Variants in SPSB1 observed in about 807,000 individuals in gnomAD.
The protein encoded by SPSB1 is SPRY domain-containing SOCS box protein 1.
In SPSB1, 8 loss-of-function variants were observed where a neutral mutation model predicts 21.2. The observed-to-expected ratio is 0.38, with a 90% CI of 0.22 to 0.68. The LOEUF (loss-of-function observed/expected upper bound fraction) is 0.68, where lower values mean the gene tolerates loss of function less well. Among genes scored for constraint, SPSB1 ranks in the 30% least tolerant of loss-of-function variants. SPSB1 has a pLI of 0.53. For missense variants in SPSB1, 242 were observed against 377.8 expected (o/e 0.64, Z 2.98); for synonymous variants, 169 against 161.7 (o/e 1.05, Z -0.34).
chr1:9,336,642 G>A (rs528949250), intron 1 of SPSB1, among the ~76,000 whole-genome samples: 52 of 152,318 alleles, frequency 3.4e-4, no homozygotes, highest in African/African-American at 1.2e-3. Context: ...GCAGGAGGCC[G>A]CTGCCTGAGT....
intron 1 of SPSB1, among the ~76,000 whole-genome samples, chr1:9,342,537 A>G (rs1640107312): frequency 6.6e-6 from 1 of 152,196 alleles, no homozygotes; most frequent in Non-Finnish European, 1.5e-5. Context: ...TCAGTGAGAA[A>G]GTAGGCGCCT....
rs1640620861 is a variant in SPSB1, at chr1:9,368,980, C to G, written c.*1405C>G. ...TGAAGTTAACTCTCTTAGAGTCTAA[C>G]TTTGGTTCATTTCTGCACAGGTACA... On this transcript the variant is annotated 3_prime_UTR_variant, in exon 3 of 3. Transcript: ENST00000328089. 6.6e-6 allele frequency: 1 copy of G among 152,550 alleles called. No homozygotes were observed. Among genetic ancestry groups the G allele is most frequent in the Non-Finnish European group, 1.5e-5 (1 of 68,040 alleles). The allele number at this position is 152,550 out of a possible 1,614,324, so 9.4% of individuals were successfully genotyped here.
chr1:9,366,035 T>G (rs1640565265), intron 2 of SPSB1, among the ~76,000 whole-genome samples: 1 of 152,204 alleles, frequency 6.6e-6, no homozygotes, highest in Admixed American at 6.5e-5. Flanking sequence ...ACTCCTGAGA[T>G]CTGAAGCTGA....
chr1:9,316,555 GA>G (rs953337033), intron 1 of SPSB1, among the ~76,000 whole-genome samples: 28 of 152,186 alleles, frequency 1.8e-4, no homozygotes, highest in African/African-American at 5.5e-4. Context: ...GGATGGCGAG[GA>G]GGGGGGGGCT....
Position 9,300,490 on chromosome 1 carries a change from G to T in SPSB1, c.-150+7419G>T, listed in dbSNP as rs141911800. Reference sequence around the variant, plus strand: ...TTTGGCAGGCCCCTGTAGATGAATCGCAGTACAGGCCTTGGGATTTTGGAG... The same window carrying T: ...TTTGGCAGGCCCCTGTAGATGAATCTCAGTACAGGCCTTGGGATTTTGGAG... On this transcript the variant is annotated intron_variant, in intron 1 of 2. Coordinates refer to ENST00000328089, the MANE Select transcript of SPSB1 (RefSeq NM_025106.4). 2.6e-5 allele frequency among the ~76,000 whole-genome samples: 4 copies of T among 152,330 alleles called. No individual in the cohort carries two copies. In the East Asian group the frequency reaches 7.7e-4, roughly 29 times the overall value.
At position 9,367,290 on chromosome 1, in the gene SPSB1, C is replaced by T. The variant is rs1640590512; in HGVS notation, c.695-158C>T. 6.6e-6 allele frequency among the ~76,000 whole-genome samples: 1 copy of T among 152,214 alleles called. No homozygotes were observed. The highest frequency in any genetic ancestry group is 6.5e-5 in the Admixed American group (1 of 15,288). On this transcript the variant is annotated intron_variant, in intron 2 of 2. Transcript: ENST00000328089. This position sits in a 1 kb window ranked among gnomAD's most constrained non-coding sequence, Gnocchi z 5.9. The stretch of plus-strand genomic sequence containing the variant: ...GGGTGGGCTCCTGGTGGCAGCTATT[C>T]ACATGCTAAATTTAAAATGAAAAAG...
At chr1:9,354,229 C>T (rs936833346) in intron 1 of SPSB1, among the ~76,000 whole-genome samples, 4 of 152,178 alleles carry the variant, frequency 2.6e-5, no homozygotes, top group Non-Finnish European at 5.9e-5. Context: ...TCCCCTACCC[C>T]GGGTTCCTTT....
intron 1 of SPSB1, among the ~76,000 whole-genome samples, chr1:9,347,741 G>A (rs483936): frequency 6.6e-6 from 1 of 151,812 alleles, no homozygotes; most frequent in Non-Finnish European, 1.5e-5. Context: ...TGTCCCTGTG[G>A]AGGCCTATAG....
At chr1:9,366,983 C>CT (rs1209290675) in intron 2 of SPSB1, among the ~76,000 whole-genome samples, 12 of 152,244 alleles carry the variant, frequency 7.9e-5, no homozygotes, top group Non-Finnish European at 1.5e-4. Context: ...GAAGAGCTGG[C>CT]TCCCATGTGT....
rs550334592 is a variant in SPSB1 at position 9,363,468 on chromosome 1, T to C, written c.695-3980T>C. ...CACAGCTGCGTTCACAGGGGATGGA[T>C]TGTGGCAGCTGGAGGGCCTCATCCC... On this transcript the variant is annotated intron_variant, in intron 2 of 2. Coordinates refer to ENST00000328089, the MANE Select transcript of SPSB1 (RefSeq NM_025106.4). This position sits in a 1 kb window ranked among gnomAD's most constrained non-coding sequence, Gnocchi z 4.5. Among the ~76,000 whole-genome samples, 48 of 152,198 alleles carry C rather than the reference T, an allele frequency of 3.2e-4. No homozygotes were observed. Among genetic ancestry groups the C allele is most frequent in the East Asian group, 1.2e-3 (6 of 5,152 alleles).
intron 1 of SPSB1, among the ~76,000 whole-genome samples, chr1:9,303,874 C>G (rs1234626879): frequency 2.0e-5 from 3 of 152,210 alleles, no homozygotes; most frequent in African/African-American, 7.2e-5. Context: ...GATGGTAAAG[C>G]ATTGATGATT....
intron 1 of SPSB1, among the ~76,000 whole-genome samples, chr1:9,338,691 G>A (rs765590743): frequency 3.3e-5 from 5 of 152,262 alleles, no homozygotes; most frequent in South Asian, 2.1e-4. Flanking sequence ...TGCAGGCAGG[G>A]CTGGGGTCTT....
intron 1 of SPSB1, among the ~76,000 whole-genome samples, chr1:9,331,096 G>A (rs1462808974): frequency 6.6e-6 from 1 of 152,048 alleles, no homozygotes; most frequent in Non-Finnish European, 1.5e-5. Flanking sequence ...ATTCTGTCGT[G>A]CTCTCCCCGC....
intron 1 of SPSB1, among the ~76,000 whole-genome samples, chr1:9,311,295 C>A (rs187142546): frequency 2.0e-5 from 3 of 152,146 alleles, no homozygotes; most frequent in Non-Finnish European, 4.4e-5. Flanking sequence ...TGCGTCTGAG[C>A]CGAGTCCTGA....
At chr1:9,347,256 C>T (rs1399302219) in intron 1 of SPSB1, among the ~76,000 whole-genome samples, 1 of 152,240 alleles carries the variant, frequency 6.6e-6, no homozygotes, top group Non-Finnish European at 1.5e-5. Context: ...TTACACATTA[C>T]GCTGTGCTTG....
chr1:9,334,687 G>T (rs1639976750), intron 1 of SPSB1, among the ~76,000 whole-genome samples: 1 of 152,034 alleles, frequency 6.6e-6, no homozygotes, highest in African/African-American at 2.4e-5. Context: ...CGGAGCTCCT[G>T]GCACTGACCC....
At chr1:9,361,793 G>A (rs981581771) in intron 2 of SPSB1, among the ~76,000 whole-genome samples, 6 of 152,226 alleles carry the variant, frequency 3.9e-5, no homozygotes, top group Admixed American at 1.3e-4. Flanking sequence ...CCATTGCTGA[G>A]TGGGGAGACA....
chr1:9,345,824 T>C lies in SPSB1; in HGVS notation c.-149-9919T>C, dbSNP rs1257950031. 6.6e-6 allele frequency among the ~76,000 whole-genome samples: 1 copy of C among 152,210 alleles called. No homozygotes were observed. The highest frequency in any genetic ancestry group is 1.9e-4 in the East Asian group (1 of 5,196). ...ACTTTCCAGAAGGATCCTGTTCTTT[T>C]TTGTTGATTCTAGGGGCACAGACTT... On this transcript the variant is annotated intron_variant, in intron 1 of 2. Transcript: ENST00000328089. This position sits in a 1 kb window ranked among gnomAD's most constrained non-coding sequence, Gnocchi z 4.8.
chr1:9,359,299 T>A (rs1640426344), intron 2 of SPSB1, among the ~76,000 whole-genome samples: 1 of 152,190 alleles, frequency 6.6e-6, no homozygotes, highest in South Asian at 2.1e-4. Context: ...CTGTCACAAC[T>A]CCGCTGCAGC....
Sources: gnomAD v4.1 joint callset for allele counts (sites outside exome capture counted in the v4.1 genomes callset) on GRCh38, gnomAD v4.1.1 for gene constraint, Gnocchi (gnomAD v3.1) non-coding constraint, MANE v1.5 for transcripts, NCBI Gene and HGNC (gene_info 2026-07-23, HGNC 2026-07-21) for gene names.